Variants in NEGR1 observed in about 807,000 individuals in gnomAD.
The protein encoded by NEGR1 is IgLON family member 4.
In NEGR1, 10 loss-of-function variants were observed where a neutral mutation model predicts 40.9. That is an observed-to-expected ratio of 0.24 (90% CI 0.15 to 0.42). The LOEUF is 0.42. Ranked by LOEUF, NEGR1 falls within the 10% of genes least tolerant of loss-of-function variation. NEGR1 has a pLI of 1.00. For missense variants in NEGR1, 352 were observed against 438.9 expected (o/e 0.80, Z 1.77); for synonymous variants, 185 against 166.8 (o/e 1.11, Z -0.84).
chr1:71,710,380 A>G (rs1405791152), intron 3 of NEGR1, among the ~76,000 whole-genome samples: 1 of 152,200 alleles, frequency 6.6e-6, no homozygotes, highest in Non-Finnish European at 1.5e-5. Context: ...CTGGGCATAC[A>G]CACAAAAGAA....
At chr1:72,058,009 C>T (rs899967124) in intron 1 of NEGR1, among the ~76,000 whole-genome samples, 1 of 151,388 alleles carries the variant, frequency 6.6e-6, no homozygotes, top group Admixed American at 6.6e-5. Flanking sequence ...CCTGGCGCAC[C>T]CTCTGATTTT....
intron 1 of NEGR1, among the ~76,000 whole-genome samples, chr1:72,028,935 C>T (rs956609562): frequency 5.9e-5 from 9 of 151,824 alleles, no homozygotes; most frequent in Non-Finnish European, 1.0e-4. Context: ...AGTGAATGAA[C>T]GACACAAAAT....
intron 1 of NEGR1, among the ~76,000 whole-genome samples, chr1:72,090,631 T>A (rs1445354378): frequency 6.6e-6 from 1 of 152,048 alleles, no homozygotes; most frequent in Non-Finnish European, 1.5e-5. Context: ...ATTTTTTTTT[T>A]AAACAGGAAG....
In NEGR1 at chr1:71,796,911, G is replaced by C. The variant is rs1657349568; in HGVS notation, c.410-20614C>G. On this transcript the variant is annotated intron_variant, in intron 2 of 6. Transcript: ENST00000357731. ...TTTAAAAGTTGTAGGTTTTATATAG[G>C]GGCCTGATAAAGATTACTAGGGGCT... Among the ~76,000 whole-genome samples the C allele has an allele frequency of 2.6e-5, 4 of 152,224 alleles. 1 individual carries two copies. In the South Asian group the frequency reaches 8.3e-4, roughly 32 times the overall value.
rs1649550735 is a variant in NEGR1, at chr1:71,592,863, C to T, written c.894G>A (p.Val298=). 1.2e-6 allele frequency: 2 copies of T among 1,613,320 alleles called. No individual in the cohort carries two copies. Among genetic ancestry groups the T allele is most frequent in the African/African-American group, 2.7e-5 (2 of 75,020 alleles). ...TGGTTGTGCCTAGCTTGTTGGCAGC[C>T]ACACAGGTATAATTGCCGAAGTGCT... is the stretch of plus-strand genomic sequence containing the variant. The part of the protein sequence containing the change: ...TQEHFGNYTC[V]AANKLGTTNA... The change falls in exon 6 of 7, where the codon GTG becomes GTA. Residue 298 remains valine, a synonymous_variant. Coordinates refer to ENST00000357731, the MANE Select transcript of NEGR1 (RefSeq NM_173808.3).
At chr1:72,035,940 T>G (rs1646898070) in intron 1 of NEGR1, among the ~76,000 whole-genome samples, 1 of 152,154 alleles carries the variant, frequency 6.6e-6, no homozygotes, top group South Asian at 2.1e-4. Flanking sequence ...TCTTCCCATA[T>G]CTCACTCGTT....
intron 1 of NEGR1, among the ~76,000 whole-genome samples, chr1:71,988,923 T>TAAAAAAAAAAAAAAAAAAAAA (rs10604833): frequency 3.3e-4 from 27 of 82,232 alleles, no homozygotes; most frequent in African/African-American, 1.5e-3. Flanking sequence ...TATTGGATGT[T>TAAAAAAAAAAAAAAAAAAAAA]AAAAAAAAAA....
At chr1:71,731,065 T>C (rs1316048231) in intron 3 of NEGR1, among the ~76,000 whole-genome samples, 1 of 152,106 alleles carries the variant, frequency 6.6e-6, no homozygotes, top group African/African-American at 2.4e-5. Flanking sequence ...AAAGCACGAA[T>C]AGAAACTTGT....
intron 4 of NEGR1, among the ~76,000 whole-genome samples, chr1:71,615,126 C>A (rs754567258): frequency 1.3e-5 from 2 of 152,102 alleles, no homozygotes; most frequent in Admixed American, 6.6e-5. Flanking sequence ...GAACCAAAAA[C>A]CTCTATTGAT....
chr1:71,559,029 A>G (rs1455074506), intron 6 of NEGR1, among the ~76,000 whole-genome samples: 30 of 116,522 alleles, frequency 2.6e-4, no homozygotes, highest in African/African-American at 3.4e-4. Flanking sequence ...GTATATATAT[A>G]TATATATATA....
At chr1:72,133,449 C>T (rs1302876711) in intron 1 of NEGR1, among the ~76,000 whole-genome samples, 1 of 151,858 alleles carries the variant, frequency 6.6e-6, no homozygotes. Context: ...CTATTTTGTT[C>T]TATGTAGTAA....
At chr1:71,463,321 C>T (rs1335944877) in intron 6 of NEGR1, 4 of 152,068 alleles carry the variant, frequency 2.6e-5, no homozygotes, top group African/African-American at 9.7e-5. Context: ...CATTCTTGTT[C>T]GTCTTCCAGG....
intron 3 of NEGR1, among the ~76,000 whole-genome samples, chr1:71,705,422 CAA>C (rs1371164278): frequency 6.6e-6 from 1 of 152,062 alleles, no homozygotes; most frequent in East Asian, 1.9e-4. Flanking sequence ...TTTATAAAAA[CAA>C]AAACTTTTGC....
intron 1 of NEGR1, among the ~76,000 whole-genome samples, chr1:72,040,927 A>G (rs1646948106): frequency 6.6e-6 from 1 of 151,978 alleles, no homozygotes; most frequent in South Asian, 2.1e-4. Context: ...GGTAGACCCA[A>G]TCAGAAGCAC....
chr1:72,195,362 G>A (rs1162467677), intron 1 of NEGR1, among the ~76,000 whole-genome samples: 3 of 151,836 alleles, frequency 2.0e-5, no homozygotes, highest in Non-Finnish European at 4.4e-5. Flanking sequence ...CTATAAAGTG[G>A]TGGGCCTAAA....
intron 1 of NEGR1, among the ~76,000 whole-genome samples, chr1:72,099,282 T>C (rs1435246136): frequency 6.6e-6 from 1 of 151,970 alleles, no homozygotes; most frequent in African/African-American, 2.4e-5. Context: ...TGATTTTATT[T>C]CAAAGAATAC....
In NEGR1 at chr1:72,096,346, A is replaced by T. The variant is rs554159965; in HGVS notation, c.177-161035T>A. 2.6e-4 allele frequency among the ~76,000 whole-genome samples: 39 copies of T among 152,296 alleles called. No individual in the cohort carries two copies. The Middle Eastern group carries it at 0.014, about 53-fold the overall frequency. ...TGATTATTTATTATTTTATTACATA[A>T]GAATCTCAATAATGAATAAGAAGTT... On this transcript the variant is annotated intron_variant, in intron 1 of 6. Coordinates refer to ENST00000357731, the MANE Select transcript of NEGR1 (RefSeq NM_173808.3).
At chr1:71,538,546 T>C (rs1367017812) in intron 6 of NEGR1, among the ~76,000 whole-genome samples, 1 of 151,482 alleles carries the variant, frequency 6.6e-6, no homozygotes, top group East Asian at 2.0e-4. Flanking sequence ...AGAATGAGAG[T>C]GGGTTGCCCT....
intron 1 of NEGR1, among the ~76,000 whole-genome samples, chr1:72,210,248 ACGT>A (rs1459202492): frequency 6.6e-6 from 1 of 151,834 alleles, no homozygotes; most frequent in African/African-American, 2.4e-5. Flanking sequence ...GGTGGATAAA[ACGT>A]CAGGAATTTC....
Sources: gnomAD v4.1 joint callset for allele counts (sites outside exome capture counted in the v4.1 genomes callset) on GRCh38, gnomAD v4.1.1 for gene constraint, MANE v1.5 for transcripts, NCBI Gene and HGNC (gene_info 2026-07-23, HGNC 2026-07-21) for gene names.